Variants in GPR139 observed in about 807,000 individuals in gnomAD.
GPR139 encodes the protein G protein-coupled receptor 139, also known as probable G protein-coupled receptor 139.
In GPR139, 12 loss-of-function variants were observed where a neutral mutation model predicts 25.8. That is an observed-to-expected ratio of 0.47 (90% CI 0.30 to 0.75). The LOEUF (loss-of-function observed/expected upper bound fraction) is 0.75, where lower values mean the gene tolerates loss of function less well. Ranked by LOEUF, GPR139 falls within the 30% of genes least tolerant of loss-of-function variation. The probability of loss-of-function intolerance (pLI) is 0.07; values close to 1 mark genes in which losing one functional copy is unlikely to be tolerated. For synonymous variants in GPR139, 184 were observed against 179.9 expected (o/e 1.02, Z -0.18); for missense variants, 380 against 450.2 (o/e 0.84, Z 1.41).
chr16:20,064,598 C>T (rs1290387602), intron 1 of GPR139, among the ~76,000 whole-genome samples: 1 of 152,192 alleles, frequency 6.6e-6, no homozygotes, highest in East Asian at 1.9e-4. Flanking sequence ...TTGAAGCATT[C>T]TTAGCACATA....
intron 1 of GPR139, among the ~76,000 whole-genome samples, chr16:20,044,199 A>G (rs2057346314): frequency 6.6e-6 from 1 of 152,258 alleles, no homozygotes; most frequent in Admixed American, 6.5e-5. Flanking sequence ...CAAAGGCTCA[A>G]TGAGAGGGAA....
At chr16:20,044,575 A>C (rs1317845227) in intron 1 of GPR139, among the ~76,000 whole-genome samples, 1 of 152,184 alleles carries the variant, frequency 6.6e-6, no homozygotes, top group African/African-American at 2.4e-5. Context: ...GCAAAGGTAA[A>C]GAGGCGTGAA....
chr16:20,060,930 C>T (rs2141212813), intron 1 of GPR139, among the ~76,000 whole-genome samples: 1 of 152,246 alleles, frequency 6.6e-6, no homozygotes, highest in Non-Finnish European at 1.5e-5. Flanking sequence ...GGGGAGCTTT[C>T]CTTGAGTTCT....
At chr16:20,069,870 T>C (rs377266595) in intron 1 of GPR139, among the ~76,000 whole-genome samples, 40 of 152,326 alleles carry the variant, frequency 2.6e-4, no homozygotes, top group African/African-American at 9.6e-4. Flanking sequence ...GTTGGTCCAA[T>C]GAGTGTCCCA....
At chr16:20,063,054 G>A (rs2057419410) in intron 1 of GPR139, among the ~76,000 whole-genome samples, 1 of 152,184 alleles carries the variant, frequency 6.6e-6, no homozygotes, top group Non-Finnish European at 1.5e-5. Flanking sequence ...AATTGAGTAT[G>A]TGATTTTAGT....
intron 1 of GPR139, among the ~76,000 whole-genome samples, chr16:20,049,278 A>G (rs1226320826): frequency 6.6e-6 from 1 of 152,174 alleles, no homozygotes; most frequent in Non-Finnish European, 1.5e-5. Context: ...TCTGTGTGAC[A>G]TCCATCTGTT....
chr16:20,051,065 A>AAAAAAAG (rs1173861305), intron 1 of GPR139, among the ~76,000 whole-genome samples: 1 of 148,010 alleles, frequency 6.8e-6, no homozygotes, highest in African/African-American at 2.4e-5. Flanking sequence ...CCTGTTTCAA[A>AAAAAAAG]AAAAAAAAAA....
intron 1 of GPR139, among the ~76,000 whole-genome samples, chr16:20,056,111 A>G (rs1469258880): frequency 2.6e-5 from 4 of 152,236 alleles, no homozygotes; most frequent in African/African-American, 7.2e-5. Flanking sequence ...GTGGTGGTGG[A>G]AAGGCATGAA....
chr16:20,032,598 A>G lies in GPR139; in HGVS notation c.199T>C (p.Leu67=). 2.5e-6 allele frequency: 4 copies of G among 1,613,374 alleles called. No homozygotes were observed. The highest frequency in any genetic ancestry group is 3.4e-6 in the Non-Finnish European group (4 of 1,179,330). Residue 67 remains leucine (L), a synonymous_variant, in exon 2 of 2, where the codon TTG becomes CTG. Transcript: ENST00000570682. ...AAGATGTCGGCAGCAGCGAGTGCCA[A>G]GAGATAGTTGTAGGAGGACTTCTGT... ...RRQKSSYNYL[L]ALAAADILVL... is the part of the protein sequence containing the mutation.
At chr16:20,036,154 G>A (rs1157981883) in intron 1 of GPR139, among the ~76,000 whole-genome samples, 2 of 152,160 alleles carry the variant, frequency 1.3e-5, no homozygotes, top group Non-Finnish European at 2.9e-5. Flanking sequence ...CTTTGGTGAA[G>A]GGCCCTGATT....
intron 1 of GPR139, among the ~76,000 whole-genome samples, chr16:20,067,740 G>T (rs1192009367): frequency 6.9e-6 from 1 of 144,840 alleles, no homozygotes; most frequent in Non-Finnish European, 1.5e-5. Flanking sequence ...GGAGGCAGAA[G>T]TTGCGGTGAG....
chr16:20,037,287 A>G (rs1024963324), intron 1 of GPR139, among the ~76,000 whole-genome samples: 9 of 152,174 alleles, frequency 5.9e-5, no homozygotes, highest in African/African-American at 2.2e-4. Context: ...CCCCACCTCT[A>G]CTAAAAATAC....
intron 1 of GPR139, among the ~76,000 whole-genome samples, chr16:20,041,565 G>A (rs773925820): frequency 6.6e-6 from 1 of 151,978 alleles, no homozygotes; most frequent in African/African-American, 2.4e-5. Flanking sequence ...GATGGAGGAA[G>A]GGTAAATAAA....
intron 1 of GPR139, among the ~76,000 whole-genome samples, chr16:20,045,516 G>A (rs1381635699): frequency 6.6e-6 from 1 of 152,168 alleles, no homozygotes; most frequent in Non-Finnish European, 1.5e-5. Flanking sequence ...TCAGCTCAGG[G>A]AACTGACCAT....
chr16:20,063,984 C>A (rs765512415), intron 1 of GPR139, among the ~76,000 whole-genome samples: 2 of 152,168 alleles, frequency 1.3e-5, no homozygotes, highest in African/African-American at 4.8e-5. Flanking sequence ...GAAGAAAAGA[C>A]CTGCTTCACA....
chr16:20,041,868 G>T (rs2057337822), intron 1 of GPR139, among the ~76,000 whole-genome samples: 1 of 152,198 alleles, frequency 6.6e-6, no homozygotes, highest in Non-Finnish European at 1.5e-5. Flanking sequence ...CCAGGTGGAG[G>T]TTAGGCAGTG....
In GPR139 at chr16:20,032,340, A is replaced by G. The variant is rs1244720077; in HGVS notation, c.457T>C (p.Tyr153His). 6.2e-7 allele frequency: 1 copy of G among 1,614,094 alleles called. No individual in the cohort carries two copies. The highest frequency in any genetic ancestry group is 1.7e-5 in the Admixed American group (1 of 60,014). Residue 153 changes from tyrosine (Y) to histidine (H), a missense_variant, in exon 2 of 2, where the codon TAC becomes CAC. Tyr to His is a moderately conservative substitution (Grantham distance 83). Transcript: ENST00000570682. ...ATGCTGGTCAGGAAGCAGGTGATGTAAACACTTACAATGACTTTCCGGGTG... is the reference window on the plus strand; with the variant it reads ...ATGCTGGTCAGGAAGCAGGTGATGTGAACACTTACAATGACTTTCCGGGTG... ...ARTRKVIVSVYITCFLTSIPY... is the reference protein window; with the variant it reads ...ARTRKVIVSVHITCFLTSIPY...
chr16:20,039,648 G>C (rs1031439001), intron 1 of GPR139, among the ~76,000 whole-genome samples: 1 of 152,206 alleles, frequency 6.6e-6, no homozygotes, highest in African/African-American at 2.4e-5. Flanking sequence ...GAGGTTCAGA[G>C]AGGTTAAGTA....
chr16:20,056,683 C>G (rs973464410), intron 1 of GPR139, among the ~76,000 whole-genome samples: 36 of 152,156 alleles, frequency 2.4e-4, no homozygotes, highest in African/African-American at 8.7e-4. Flanking sequence ...TCTTTTTAAG[C>G]ATTAGGAATA....
Sources: allele counts gnomAD v4.1 joint callset (sites outside exome capture counted in the v4.1 genomes callset), GRCh38; gene constraint gnomAD v4.1.1; transcripts MANE v1.5; gene names NCBI Gene and HGNC (gene_info 2026-07-23, HGNC 2026-07-21).